GPR155: variants seen among roughly 807,000 people sequenced by gnomAD.
GPR155 encodes the protein G protein-coupled receptor 155.
A neutral mutation model predicts 93.1 loss-of-function variants in GPR155; 65 were observed. That is an observed-to-expected ratio of 0.70 (90% CI 0.57 to 0.86). The LOEUF is 0.86. Ranked by LOEUF, GPR155 falls within the 40% of genes least tolerant of loss-of-function variation. The pLI, the probability that GPR155 is intolerant of heterozygous loss-of-function variation, is 0.00. For synonymous variants in GPR155, 319 were observed against 360.1 expected, an observed-to-expected ratio of 0.89 and a Z score of 1.29; for missense variants, 838 against 1,034.8, an observed-to-expected ratio of 0.81 and a Z score of 2.61.
intron 14 of GPR155, 88 bp from the exon 15 acceptor site, chr2:174,440,123 T>C: frequency 9.2e-7 from 1 of 1,084,546 alleles, no homozygotes; most frequent in Non-Finnish European, 1.3e-6. Context: ...AAAATGGCTG[T>C]TCCAAAGCTG....
chr2:174,447,622 C>T (rs1474115578), intron 11 of GPR155, among the ~76,000 whole-genome samples: 3 of 144,694 alleles, frequency 2.1e-5, no homozygotes, highest in Non-Finnish European at 3.0e-5. Context: ...TTATAATTTA[C>T]ATATATAAAT....
At chr2:174,482,147 C>T (rs1003856428) in intron 1 of GPR155, among the ~76,000 whole-genome samples, 160 bp from the exon 2 acceptor site, 1 of 151,962 alleles carries the variant, frequency 6.6e-6, no homozygotes, top group Non-Finnish European at 1.5e-5. Flanking sequence ...AATATACATA[C>T]CATCAGGGAA....
Position 174,459,986 on chromosome 2 carries a change from C to T in GPR155, c.1663G>A (p.Asp555Asn), listed in dbSNP as rs762888833. Residue 555 changes from aspartate to asparagine, a missense_variant, in exon 10 of 16, where the codon GAT becomes AAT. Asp to Asn is a conservative substitution (Grantham distance 23). Coordinates refer to ENST00000392552, the MANE Select transcript of GPR155 (RefSeq NM_152529.7). ...TAQAGSYEGF[D>N]QSQSHKVVEP... Reference sequence around the variant, plus strand: ...ACCACTTTGTGGCTCTGAGACTGATCGAAACCTTCATAGCTTCCTGCTTGG... The same window carrying T: ...ACCACTTTGTGGCTCTGAGACTGATTGAAACCTTCATAGCTTCCTGCTTGG... 2.0e-5 allele frequency: 32 copies of T among 1,613,838 alleles called. No homozygotes were observed. The highest frequency in any genetic ancestry group is 8.9e-5 in the East Asian group (4 of 44,886).
intron 2 of GPR155, among the ~76,000 whole-genome samples, chr2:174,478,841 C>T (rs1688240820): frequency 1.3e-5 from 2 of 151,876 alleles, no homozygotes; most frequent in Admixed American, 1.3e-4. Flanking sequence ...TCTCTGGGGA[C>T]AGTATTCTTT....
At chr2:174,466,492 T>C (rs1487327176) in intron 6 of GPR155, 52 bp downstream of exon 6, 3 of 987,802 alleles carry the variant, frequency 3.0e-6, no homozygotes, top group Admixed American at 2.1e-5. Context: ...TCCTCTACAG[T>C]AGAATAATCC....
intron 14 of GPR155, 93 bp from the exon 15 acceptor site, chr2:174,440,128 A>G: frequency 1.0e-6 from 1 of 1,003,950 alleles, no homozygotes; most frequent in East Asian, 2.5e-5. Context: ...GGCTGTTCCA[A>G]AGCTGTCGAT....
At chr2:174,480,858 C>T (rs975317928) in intron 2 of GPR155, among the ~76,000 whole-genome samples, 1 of 152,120 alleles carries the variant, frequency 6.6e-6, no homozygotes, top group Admixed American at 6.6e-5. Flanking sequence ...CAACCTCTGC[C>T]TCCTGGGCTC....
In GPR155 at chr2:174,445,883, T is replaced by C. The variant is rs539122050; in HGVS notation, c.2014-707A>G. On this transcript the variant is annotated intron_variant, in intron 12 of 15. Transcript: ENST00000392552. ...TATCTGAGGAATATGTTCTGAGAGG[T>C]TTTTTGGTTTTCTTTTTTTTTTTCT... is the stretch of plus-strand genomic sequence containing the variant. 3.3e-3 allele frequency among the ~76,000 whole-genome samples: 496 copies of C among 150,012 alleles called. 1 individual carries two copies. Among genetic ancestry groups the C allele is most frequent in the Middle Eastern group, 0.02 (6 of 294 alleles).
At position 174,453,788 on chromosome 2, in the gene GPR155, G is replaced by A; in HGVS notation, c.1825C>T (p.Pro609Ser). Reference sequence around the variant, plus strand: ...TCACTGGTGCTTGTGTTTGCTATTGGCTCTATTGATGGGCAGTGTAATTCA... The same window carrying A: ...TCACTGGTGCTTGTGTTTGCTATTGACTCTATTGATGGGCAGTGTAATTCA... The part of the protein sequence containing the change: ...NGELHCPSIE[P>S]IANTSTSEPV... Residue 609 changes from proline (P) to serine (S), a missense_variant, in exon 11 of 16, where the codon CCA becomes TCA. By Grantham distance (74) the Pro-to-Ser change is moderately conservative. Coordinates refer to ENST00000392552, the MANE Select transcript of GPR155 (RefSeq NM_152529.7). The A allele has an allele frequency of 1.2e-6, 2 of 1,613,492 alleles. No homozygotes were observed. The highest frequency in any genetic ancestry group is 1.7e-6 in the Non-Finnish European group (2 of 1,179,602).
At chr2:174,437,344 A>G (rs908814573) in intron 15 of GPR155, among the ~76,000 whole-genome samples, 10 of 152,218 alleles carry the variant, frequency 6.6e-5, no homozygotes, top group Admixed American at 6.5e-5. Flanking sequence ...ATTTCACCAT[A>G]AATGAATATT....
At chr2:174,445,246 G>T in intron 12 of GPR155, 70 bp from the exon 13 acceptor site, 1 of 746,808 alleles carries the variant, frequency 1.3e-6, no homozygotes. Context: ...CCACAGCATA[G>T]TACAATAACT....
chr2:174,475,578 C>G (rs1018545758), intron 2 of GPR155, among the ~76,000 whole-genome samples: 2 of 151,882 alleles, frequency 1.3e-5, no homozygotes, highest in African/African-American at 4.8e-5. Context: ...GAAGCAGTGG[C>G]TAAAAAATAT....
At chr2:174,477,363 C>T (rs1350453346) in intron 2 of GPR155, among the ~76,000 whole-genome samples, 1 of 151,906 alleles carries the variant, frequency 6.6e-6, no homozygotes, top group Non-Finnish European at 1.5e-5. Context: ...TGTTATTAAC[C>T]ATCGTCACCA....
intron 10 of GPR155, among the ~76,000 whole-genome samples, chr2:174,455,444 C>T (rs960522836): frequency 6.6e-6 from 1 of 152,214 alleles, no homozygotes; most frequent in African/African-American, 2.4e-5. Context: ...ATCACGGGCA[C>T]TGCAAGGCCC....
chr2:174,441,420 A>C (rs901574633), intron 14 of GPR155, among the ~76,000 whole-genome samples: 4 of 151,272 alleles, frequency 2.6e-5, no homozygotes, highest in African/African-American at 9.7e-5. Flanking sequence ...ATATTTAAAA[A>C]ATTTTTTTTA....
rs1014145113 is a variant in GPR155, at chr2:174,434,929, C to T, written c.*1187G>A. 1 of 151,582 alleles carries T rather than the reference C, an allele frequency of 6.6e-6. No homozygotes were observed. The highest frequency in any genetic ancestry group is 2.4e-5 in the African/African-American group (1 of 41,222). 9.4% of individuals were successfully genotyped at this position (151,582 alleles called of 1,614,324 possible). On this transcript the variant is annotated 3_prime_UTR_variant, in exon 16 of 16. Transcript: ENST00000392552. ...CAGGCGTGAGCCACTAAGCCTAGCC[C>T]TCTAGTTTTTAAATGAGTACTATTT...
intron 11 of GPR155, among the ~76,000 whole-genome samples, chr2:174,447,306 GACTCTGTCTC>G (rs1265158490): frequency 1.3e-5 from 2 of 148,684 alleles, no homozygotes; most frequent in Admixed American, 1.4e-4. Context: ...CACAGAGTAA[GACTCTGTCTC>G]AAAAAAAATT....
At chr2:174,470,348 G>T (rs2358637) in intron 4 of GPR155, 42 bp downstream of exon 4, 1,475,134 of 1,476,218 alleles carry the variant, frequency 1, 737,038 homozygotes, top group East Asian at 1. Flanking sequence ...AATTTTTTTC[G>T]ACTAAACACA....
chr2:174,477,954 A>T (rs1225411048), intron 2 of GPR155, among the ~76,000 whole-genome samples: 1 of 152,206 alleles, frequency 6.6e-6, no homozygotes, highest in Non-Finnish European at 1.5e-5. Context: ...TCATTCTATT[A>T]TGTAATGGCA....
Sources: allele counts gnomAD v4.1 joint callset (sites outside exome capture counted in the v4.1 genomes callset), GRCh38; gene constraint gnomAD v4.1.1; transcripts MANE v1.5; gene names NCBI Gene and HGNC (gene_info 2026-07-23, HGNC 2026-07-21).